Variants in SEC16A observed in about 807,000 individuals in gnomAD.
The protein encoded by SEC16A is SEC16 homolog A, endoplasmic reticulum export factor, also known as protein transport protein Sec16A.
In SEC16A, 110 loss-of-function variants were observed where a neutral mutation model predicts 221.9. The observed-to-expected ratio is 0.50, with a 90% CI of 0.42 to 0.58. The LOEUF is 0.58. Ranked by LOEUF, SEC16A falls within the 20% of genes least tolerant of loss-of-function variation. The pLI, the probability that SEC16A is intolerant of heterozygous loss-of-function variation, is 0.00. For missense variants in SEC16A, 3,165 were observed against 3,097.8 expected, an observed-to-expected ratio of 1.02 and a Z score of -0.52; for synonymous variants, 1,393 against 1,257.7, an observed-to-expected ratio of 1.11 and a Z score of -2.28.
chr9:136,459,985 G>T lies in SEC16A; in HGVS notation c.5073+57C>A. ...CACGGCCTGTGACAGCGTCACCCAC[G>T]AGCAAACTCCACACAGGCAGTGGAG... is the stretch of plus-strand genomic sequence containing the variant. On this transcript the variant is annotated intron_variant, in intron 14 of 31. Transcript: ENST00000684901. This position sits in a 1 kb window ranked among gnomAD's most constrained non-coding sequence, Gnocchi z 6.1. 6.5e-7 allele frequency: 1 copy of T among 1,550,064 alleles called. No homozygotes were observed. Among genetic ancestry groups the T allele is most frequent in the Non-Finnish European group, 8.8e-7 (1 of 1,137,364 alleles).
chr9:136,457,024 T>C (rs533964854), intron 18 of SEC16A, among the ~76,000 whole-genome samples: 9 of 151,490 alleles, frequency 5.9e-5, no homozygotes, highest in Admixed American at 2.6e-4. Flanking sequence ...ATACAAAAAA[T>C]TGGCCAAGCG....
At chr9:136,450,238 T>C (rs1442177856) in intron 23 of SEC16A, among the ~76,000 whole-genome samples, 1 of 151,874 alleles carries the variant, frequency 6.6e-6, no homozygotes, top group Non-Finnish European at 1.5e-5. Context: ...CAAAAAACCA[T>C]TACAAGTAAA....
upstream of SEC16A, chr9:136,483,731 C>A: frequency 1.0e-6 from 1 of 985,402 alleles, no homozygotes; most frequent in Non-Finnish European, 1.2e-6. Context: ...CTGAGAAGCG[C>A]GGGGCCCTGA....
At chr9:136,453,965 T>C (rs1432990369) in intron 21 of SEC16A, 144 bp downstream of exon 21, 6 of 792,778 alleles carry the variant, frequency 7.6e-6, no homozygotes, top group Non-Finnish European at 1.3e-5. Context: ...ATCCAGTCTG[T>C]AACTTCCAGA....
At chr9:136,483,343 CT>C (rs1051200445), upstream of SEC16A, among the ~76,000 whole-genome samples, 4 of 146,004 alleles carry the variant, frequency 2.7e-5, no homozygotes, top group Admixed American at 6.8e-5. Flanking sequence ...GGCCCCGCCC[CT>C]CTTCCGTCGT....
At chr9:136,463,804 C>A (rs1839812417) in intron 9 of SEC16A, 64 bp from the exon 10 acceptor site, 1 of 1,577,402 alleles carries the variant, frequency 6.3e-7, no homozygotes, top group Admixed American at 1.7e-5. Flanking sequence ...GCAGGCCGGC[C>A]AACCCAGGCA....
rs565380438 is a variant in SEC16A, at chr9:136,467,136, C to T, written c.3803-53G>A. The stretch of plus-strand genomic sequence containing the variant: ...CAGTAACATGCAAAAGAAGAAATGC[C>T]TCAGATATCACTAAAGAAGCGACAC... On this transcript the variant is annotated intron_variant, in intron 5 of 31. Coordinates refer to ENST00000684901, the MANE Select transcript of SEC16A (RefSeq NM_014866.2). 9.3e-6 allele frequency: 15 copies of T among 1,605,642 alleles called. No individual in the cohort carries two copies. The South Asian group carries it at 1.2e-4, about 13-fold the overall frequency.
rs1032173048 is a variant in SEC16A at position 136,475,787 on chromosome 9, G to A, written c.1829C>T (p.Ser610Phe). 3 of 1,592,378 alleles carry A rather than the reference G, an allele frequency of 1.9e-6. No homozygotes were observed. Among genetic ancestry groups the A allele is most frequent in the Admixed American group, 3.6e-5 (2 of 55,706 alleles). The change falls in exon 3 of 32, where the codon TCT becomes TTT. Residue 610 changes from serine (S) to phenylalanine (F), a missense_variant. Transcript: ENST00000684901. The surrounding 1 kb of genome is among the most constrained non-coding windows in gnomAD (Gnocchi z 5.0). ...TGIFQTSANS[S>F]FEPVKSHLVG... The stretch of plus-strand genomic sequence containing the variant: ...TAAGTGAGATTTTACCGGTTCGAAA[G>A]AACTATTTGCACTTGTCTGAAATAT...
At chr9:136,472,275 G>A (rs924197034) in intron 3 of SEC16A, among the ~76,000 whole-genome samples, 164 bp from the exon 4 acceptor site, 2 of 152,244 alleles carry the variant, frequency 1.3e-5, no homozygotes, top group African/African-American at 4.8e-5. Flanking sequence ...GCAGATGGCT[G>A]CTCTCCAGCA....
rs1839247553 is a variant in SEC16A at position 136,459,946 on chromosome 9, C to T, written c.5074-72G>A. The stretch of plus-strand genomic sequence containing the variant: ...GCCATTTCAATTCCACACAGCTGGG[C>T]TCACCAGGCACCTCACGGCCTGTGA... On this transcript the variant is annotated intron_variant, in intron 14 of 31. Coordinates refer to ENST00000684901, the MANE Select transcript of SEC16A (RefSeq NM_014866.2). This position sits in a 1 kb window ranked among gnomAD's most constrained non-coding sequence, Gnocchi z 6.1. 1 of 1,538,968 alleles carries T rather than the reference C, an allele frequency of 6.5e-7. No individual in the cohort carries two copies. The highest frequency in any genetic ancestry group is 2.4e-5 in the East Asian group (1 of 42,488).
Position 136,474,682 on chromosome 9 carries a change from A to G in SEC16A, c.2934T>C (p.Gly978=). 4 of 1,613,770 alleles carry G rather than the reference A, an allele frequency of 2.5e-6. No individual in the cohort carries two copies. Among genetic ancestry groups the G allele is most frequent in the Non-Finnish European group, 3.4e-6 (4 of 1,179,886 alleles). ...GATGACTGGAATGGTTTGCCTTATT[A>G]CCATCAGGCACCAGGGTGCCGTGTG... ...PPAHGTLVPD[G]NKANHSSHQE... is the part of the protein sequence containing the mutation. Residue 978 remains glycine, a synonymous_variant, in exon 3 of 32, where the codon GGT becomes GGC. Coordinates refer to ENST00000684901, the MANE Select transcript of SEC16A (RefSeq NM_014866.2).
In SEC16A at chr9:136,451,225, C is replaced by T. The variant is rs747062956; in HGVS notation, c.6312+31G>A. The T allele has an allele frequency of 3.9e-5, 63 of 1,598,818 alleles. No individual in the cohort carries two copies. In the East Asian group the frequency reaches 6.3e-4, roughly 16 times the overall value. ...TGCCTCCTGCCCAAACCCTCCCGGC[C>T]GCCAGGCGCACCGTGGGCAGGCTGT... On this transcript the variant is annotated intron_variant, in intron 23 of 31. Transcript: ENST00000684901.
Position 136,475,612 on chromosome 9 carries a change from G to C in SEC16A, c.2004C>G (p.Thr668=). Residue 668 remains threonine (T), a synonymous_variant, in exon 3 of 32, where the codon ACC becomes ACG. Coordinates refer to ENST00000684901, the MANE Select transcript of SEC16A (RefSeq NM_014866.2). The surrounding 1 kb of genome is among the most constrained non-coding windows in gnomAD (Gnocchi z 5.0). ...NLEQPPDNME[T]LCAPQVCPLP... ...GGGGACAGACCTGGGGTGCACAGAG[G>C]GTCTCCATGTTGTCTGGTGGCTGCT... is the stretch of plus-strand genomic sequence containing the variant. The C allele has an allele frequency of 6.2e-7, 1 of 1,613,668 alleles. No individual in the cohort carries two copies. The highest frequency in any genetic ancestry group is 8.5e-7 in the Non-Finnish European group (1 of 1,179,842).
chr9:136,483,848 C>G, upstream of SEC16A: 1 of 968,818 alleles, frequency 1.0e-6, no homozygotes, highest in Non-Finnish European at 1.2e-6. Flanking sequence ...CGCGGAGGGC[C>G]GACTGCGCCT....
At position 136,441,707 on chromosome 9, in the gene SEC16A, A is replaced by G. The variant is rs1218264231; in HGVS notation, c.*48T>C. The G allele has an allele frequency of 6.4e-7, 1 of 1,572,308 alleles. No individual in the cohort carries two copies. The highest frequency in any genetic ancestry group is 8.7e-7 in the Non-Finnish European group (1 of 1,143,106). On this transcript the variant is annotated 3_prime_UTR_variant, in exon 32 of 32. Coordinates refer to ENST00000684901, the MANE Select transcript of SEC16A (RefSeq NM_014866.2). ...CGGAGGTCGGTCGGGTTCTTCGGGG[A>G]GAACAGCAGCGTCAGGGCTCCAAGT...
chr9:136,463,251 C>T, intron 11 of SEC16A, 119 bp from the exon 12 acceptor site: 1 of 1,422,236 alleles, frequency 7.0e-7, no homozygotes, highest in Non-Finnish European at 9.6e-7. Context: ...ACCCGAAAGG[C>T]TGGCAAGGCT....
At position 136,466,085 on chromosome 9, in the gene SEC16A, G is replaced by C. The variant is rs565105003; in HGVS notation, c.4180C>G (p.Leu1394Val). The C allele has an allele frequency of 1.9e-6, 3 of 1,611,224 alleles. No individual in the cohort carries two copies. Among genetic ancestry groups the C allele is most frequent in the Non-Finnish European group, 2.5e-6 (3 of 1,178,194 alleles). ...NVAAGSYEAP[L>V]PPGSFHGDFA... ...TCGCCGTGAAAGGAGCCTGGAGGAA[G>C]CGGGGCCTCGTAGGAACCGGCAGCC... The change falls in exon 8 of 32, where the codon CTT becomes GTT. Residue 1394 changes from leucine (L) to valine (V), a missense_variant. Around this residue, in one of 3 missense-constraint regions of SEC16A, gnomAD observed 2,030 missense variants for 1,923.1 expected, o/e 1.06. Coordinates refer to ENST00000684901, the MANE Select transcript of SEC16A (RefSeq NM_014866.2). The surrounding 1 kb of genome is among the most constrained non-coding windows in gnomAD (Gnocchi z 5.5).
Position 136,476,521 on chromosome 9 carries a change from GTC to G in SEC16A, c.1093_1094del (p.Asp365LeufsTer19). Reference sequence around the variant, plus strand: ...TCGCCAGAGCTCCTGAAGCTCCTGAGTCTGCTTCTAGCGGGGCACAGCCAGAC... The same window carrying G: ...TCGCCAGAGCTCCTGAAGCTCCTGAGTGCTTCTAGCGGGGCACAGCCAGAC... ...AGSGCAPLEADSGASGALAMF... is the reference protein window; with the variant it reads ...AGSGCAPLEAXSGASGALAMF... On this transcript the variant is annotated frameshift_variant, in exon 3 of 32. Coordinates refer to ENST00000684901, the MANE Select transcript of SEC16A (RefSeq NM_014866.2). LOFTEE classifies it high-confidence loss of function. 1.9e-6 allele frequency: 3 copies of G among 1,613,006 alleles called. No individual in the cohort carries two copies. The highest frequency in any genetic ancestry group is 2.5e-6 in the Non-Finnish European group (3 of 1,179,562).
chr9:136,471,189 G>A (rs554804843), intron 4 of SEC16A, among the ~76,000 whole-genome samples: 1 of 152,028 alleles, frequency 6.6e-6, no homozygotes, highest in Admixed American at 6.5e-5. Flanking sequence ...TAGGCTGGCC[G>A]GGCGCAGTGG....
Sources: allele counts gnomAD v4.1 joint callset (sites outside exome capture counted in the v4.1 genomes callset), GRCh38; gene constraint gnomAD v4.1.1; regional missense constraint gnomAD v4.1.1; non-coding constraint Gnocchi (gnomAD v3.1); transcripts MANE v1.5; gene names NCBI Gene and HGNC (gene_info 2026-07-23, HGNC 2026-07-21).